Variants in CSMD3 observed in about 807,000 individuals in gnomAD.
The protein encoded by CSMD3 is CUB and Sushi multiple domains 3.
In CSMD3, 177 loss-of-function variants were observed where a neutral mutation model predicts 435.2. The observed-to-expected ratio is 0.41, with a 90% CI of 0.36 to 0.46. The LOEUF is 0.46. CSMD3 is among the 20% of genes least tolerant of loss of function. The pLI, the probability that CSMD3 is intolerant of heterozygous loss-of-function variation, is 0.34. For missense variants in CSMD3, 4,265 were observed against 4,504.6 expected, an observed-to-expected ratio of 0.95 and a Z score of 1.52; for synonymous variants, 1,656 against 1,520.5, an observed-to-expected ratio of 1.09 and a Z score of -2.07.
intron 13 of CSMD3, among the ~76,000 whole-genome samples, chr8:112,706,571 T>A (rs1024322332): frequency 1.3e-4 from 19 of 151,966 alleles, no homozygotes; most frequent in Non-Finnish European, 2.6e-4. Context: ...GGAATGATAG[T>A]GTGAACAAAA....
rs2130630803 is a variant in CSMD3, at chr8:112,921,672, C to G, written c.1588G>C (p.Ala530Pro). ...TCACTCCAAGCAGCAAAAACTTCAG[C>G]TATCCGTTGACAGGTGATGCTCTTT... ...GAKSITCQRI[A>P]EVFAAWSDHR... The change falls in exon 10 of 71, where the codon GCT becomes CCT. Residue 530 changes from alanine to proline, a missense_variant. Coordinates refer to ENST00000297405, the MANE Select transcript of CSMD3 (RefSeq NM_198123.2). The G allele has an allele frequency of 1.2e-6, 2 of 1,612,868 alleles. No homozygotes were observed. The highest frequency in any genetic ancestry group is 1.1e-5 in the South Asian group (1 of 91,054).
At position 112,398,503 on chromosome 8, in the gene CSMD3, G is replaced by T. The variant is rs1243719631; in HGVS notation, c.5810-7715C>A. Among the ~76,000 whole-genome samples the T allele has an allele frequency of 5.3e-5, 8 of 152,310 alleles. No individual in the cohort carries two copies. In the South Asian group the frequency reaches 1.7e-3, roughly 32 times the overall value. On this transcript the variant is annotated intron_variant, in intron 35 of 70. Transcript: ENST00000297405. ...TGGGGCTATCCACATGACCCCTATG[G>T]CAGTTCTTTGCCTGGGCAGAGAGGC... is the stretch of plus-strand genomic sequence containing the variant.
chr8:112,386,767 G>A (rs546060722), intron 36 of CSMD3, among the ~76,000 whole-genome samples: 1 of 152,260 alleles, frequency 6.6e-6, no homozygotes, highest in East Asian at 1.9e-4. Context: ...AAAGTGCTGG[G>A]ATTACAGGCG....
intron 12 of CSMD3, among the ~76,000 whole-genome samples, chr8:112,802,132 A>T (rs2078975422): frequency 6.6e-6 from 1 of 151,726 alleles, no homozygotes; most frequent in Non-Finnish European, 1.5e-5. Context: ...AAATATATAT[A>T]TTTTTAAATT....
At chr8:112,361,988 G>A (rs965797212) in intron 38 of CSMD3, among the ~76,000 whole-genome samples, 2 of 151,564 alleles carry the variant, frequency 1.3e-5, no homozygotes, top group Non-Finnish European at 3.0e-5. Context: ...TACCTTTAAG[G>A]GTTTTAAAAA....
chr8:112,345,952 C>G, intron 41 of CSMD3, 145 bp downstream of exon 41: 1 of 660,576 alleles, frequency 1.5e-6, no homozygotes. Flanking sequence ...TTAAATTTCA[C>G]TCTTCAATTT....
chr8:113,195,587 T>C (rs1191181077), intron 3 of CSMD3, among the ~76,000 whole-genome samples: 1 of 150,376 alleles, frequency 6.6e-6, no homozygotes, highest in Non-Finnish European at 1.5e-5. Context: ...AACTCTAATT[T>C]TGGGGATTCT....
intron 27 of CSMD3, among the ~76,000 whole-genome samples, chr8:112,536,066 A>G (rs1328952019): frequency 6.6e-6 from 1 of 152,170 alleles, no homozygotes; most frequent in Non-Finnish European, 1.5e-5. Flanking sequence ...AACCATAAAA[A>G]CCCTAGAAGA....
chr8:112,576,716 A>C (rs942013949), intron 23 of CSMD3, among the ~76,000 whole-genome samples: 1 of 114,428 alleles, frequency 8.7e-6, no homozygotes, highest in East Asian at 3.4e-4. Context: ...TTTTTTATAC[A>C]AATGGGTTTT....
At chr8:112,641,413 GA>G (rs965081658) in intron 20 of CSMD3, among the ~76,000 whole-genome samples, 2 of 152,098 alleles carry the variant, frequency 1.3e-5, no homozygotes, top group African/African-American at 2.4e-5. Flanking sequence ...CCTATTTGAG[GA>G]AAAAGGTACA....
chr8:112,686,721 A>G (rs1308173120), intron 14 of CSMD3, among the ~76,000 whole-genome samples: 3 of 152,008 alleles, frequency 2.0e-5, no homozygotes, highest in Non-Finnish European at 2.9e-5. Flanking sequence ...CCTGACCTCA[A>G]GTGATCCACC....
intron 13 of CSMD3, among the ~76,000 whole-genome samples, chr8:112,731,817 CTA>C (rs1448381499): frequency 6.6e-6 from 1 of 151,882 alleles, no homozygotes; most frequent in African/African-American, 2.4e-5. Context: ...TTAAAGGCAG[CTA>C]TATAATATAA....
At chr8:112,507,014 C>T (rs1247023456) in intron 28 of CSMD3, among the ~76,000 whole-genome samples, 185 bp from the exon 29 acceptor site, 1 of 152,058 alleles carries the variant, frequency 6.6e-6, no homozygotes, top group Non-Finnish European at 1.5e-5. Context: ...TGAATACATG[C>T]ATACATACAT....
chr8:112,668,142 A>G (rs1216747842), intron 16 of CSMD3, among the ~76,000 whole-genome samples: 2 of 152,132 alleles, frequency 1.3e-5, no homozygotes, highest in African/African-American at 4.8e-5. Flanking sequence ...ATAGAATTTA[A>G]TTTTGTTTCC....
intron 11 of CSMD3, among the ~76,000 whole-genome samples, chr8:112,853,490 T>C (rs2080554841): frequency 6.6e-6 from 1 of 152,220 alleles, no homozygotes; most frequent in African/African-American, 2.4e-5. Flanking sequence ...CATATCAAAG[T>C]GTTTGGATTA....
intron 3 of CSMD3, among the ~76,000 whole-genome samples, chr8:113,240,287 T>G (rs2093199411): frequency 6.6e-6 from 1 of 152,162 alleles, no homozygotes; most frequent in Non-Finnish European, 1.5e-5. Flanking sequence ...TTCCATGTCT[T>G]TGCTGTTGTG....
chr8:113,232,161 T>G (rs2093096310), intron 3 of CSMD3, among the ~76,000 whole-genome samples: 1 of 151,560 alleles, frequency 6.6e-6, no homozygotes, highest in Non-Finnish European at 1.5e-5. Context: ...CCATGTACTT[T>G]TCTCAGTATT....
rs148108306 is a variant in CSMD3, at chr8:112,371,655, C to T, written c.6136+8697G>A. Among the ~76,000 whole-genome samples, 613 of 152,074 alleles carry T rather than the reference C, an allele frequency of 4.0e-3. 4 individuals are homozygous for T. Among genetic ancestry groups the T allele is most frequent in the African/African-American group, 0.014 (594 of 41,486 alleles). On this transcript the variant is annotated intron_variant, in intron 38 of 70. Coordinates refer to ENST00000297405, the MANE Select transcript of CSMD3 (RefSeq NM_198123.2). ...GTGTAATCCCAGGACTTTGGGAGGCCGAGGCGGGCGTATTACGAGGTCAGG... is the reference window on the plus strand; with the variant it reads ...GTGTAATCCCAGGACTTTGGGAGGCTGAGGCGGGCGTATTACGAGGTCAGG...
intron 32 of CSMD3, among the ~76,000 whole-genome samples, chr8:112,465,974 C>CAAAAAAAAAAAAAAAA (rs201876803): frequency 5.3e-4 from 60 of 113,992 alleles, no homozygotes; most frequent in African/African-American, 2.0e-3. Flanking sequence ...GACACCATCT[C>CAAAAAAAAAAAAAAAA]AAAAAAAAAA....
Sources: gnomAD v4.1 joint callset for allele counts (sites outside exome capture counted in the v4.1 genomes callset) on GRCh38, gnomAD v4.1.1 for gene constraint, MANE v1.5 for transcripts, NCBI Gene and HGNC (gene_info 2026-07-23, HGNC 2026-07-21) for gene names.